Variants in BMPER observed in about 807,000 individuals in gnomAD.
BMPER encodes the protein BMP binding endothelial regulator, also known as BMP-binding endothelial regulator protein.
BMPER carries 45 observed loss-of-function variants against 87.3 expected under a neutral mutation model. The ratio of observed to expected loss-of-function variants is 0.52; its 90% CI spans 0.41 to 0.66. BMPER has a LOEUF of 0.66. Among genes scored for constraint, BMPER ranks in the 30% least tolerant of loss-of-function variants. The pLI, the probability that BMPER is intolerant of heterozygous loss-of-function variation, is 0.00. For missense variants in BMPER, 784 were observed against 867.5 expected (o/e 0.90, Z 1.21); for synonymous variants, 326 against 316.2 (o/e 1.03, Z -0.33).
At chr7:33,979,377 C>A (rs2127915428) in intron 6 of BMPER, among the ~76,000 whole-genome samples, 1 of 151,644 alleles carries the variant, frequency 6.6e-6, no homozygotes, top group East Asian at 2.0e-4. Context: ...CTGATTCCCC[C>A]AAGGAGAAGC....
At chr7:33,969,681 G>A (rs1280178185) in intron 4 of BMPER, among the ~76,000 whole-genome samples, 9 of 152,254 alleles carry the variant, frequency 5.9e-5, no homozygotes, top group Non-Finnish European at 1.2e-4. Flanking sequence ...TTATAGGCGT[G>A]AGCCACTGCG....
intron 11 of BMPER, among the ~76,000 whole-genome samples, chr7:34,069,474 C>G (rs1199644468): frequency 1.3e-5 from 2 of 152,150 alleles, no homozygotes; most frequent in Admixed American, 1.3e-4. Flanking sequence ...TAAATGCTCT[C>G]CATTTTGCCA....
chr7:34,024,951 A>G (rs1361319974), intron 6 of BMPER, among the ~76,000 whole-genome samples: 1 of 151,992 alleles, frequency 6.6e-6, no homozygotes, highest in Non-Finnish European at 1.5e-5. Flanking sequence ...TTGGGCTTAG[A>G]GTTTTGCTCT....
intron 6 of BMPER, among the ~76,000 whole-genome samples, chr7:33,977,565 G>T (rs1255617626): frequency 6.6e-6 from 1 of 152,160 alleles, no homozygotes; most frequent in African/African-American, 2.4e-5. Flanking sequence ...CCAGAGGGGT[G>T]TTCATAATGT....
intron 3 of BMPER, among the ~76,000 whole-genome samples, chr7:33,946,934 A>C (rs1485680551): frequency 6.6e-6 from 1 of 152,252 alleles, no homozygotes; most frequent in African/African-American, 2.4e-5. Context: ...TTTATAGAAT[A>C]GTGCTGCTTA....
At chr7:34,059,685 C>T (rs1334947887) in intron 10 of BMPER, among the ~76,000 whole-genome samples, 1 of 150,922 alleles carries the variant, frequency 6.6e-6, no homozygotes, top group Non-Finnish European at 1.5e-5. Context: ...GCTCTATCTA[C>T]CATGGAAATC....
intron 5 of BMPER, among the ~76,000 whole-genome samples, chr7:33,972,138 C>T (rs889904712): frequency 2.0e-5 from 3 of 152,108 alleles, no homozygotes; most frequent in Non-Finnish European, 4.4e-5. Context: ...CTCCTGACCT[C>T]GTGGTCCACC....
chr7:34,104,072 A>G (rs1197770940), intron 13 of BMPER, among the ~76,000 whole-genome samples: 1 of 152,174 alleles, frequency 6.6e-6, no homozygotes, highest in East Asian at 1.9e-4. Context: ...GGTGCTTTCC[A>G]CTGGACATGC....
At chr7:34,151,523 A>AGTGTGAGC (rs1289202386) in intron 14 of BMPER, among the ~76,000 whole-genome samples, 2 of 152,226 alleles carry the variant, frequency 1.3e-5, no homozygotes, top group African/African-American at 2.4e-5. Flanking sequence ...CAGAAAGCTG[A>AGTGTGAGC]GTGTGAGCCA....
At chr7:34,110,228 A>G (rs940682352) in intron 13 of BMPER, among the ~76,000 whole-genome samples, 1 of 152,196 alleles carries the variant, frequency 6.6e-6, no homozygotes, top group Admixed American at 6.5e-5. Flanking sequence ...CTTTATAAGC[A>G]CAAAGGACAT....
At chr7:33,954,520 C>A (rs986726699) in intron 3 of BMPER, among the ~76,000 whole-genome samples, 1 of 152,206 alleles carries the variant, frequency 6.6e-6, no homozygotes, top group Non-Finnish European at 1.5e-5. Context: ...ATTTCAAAGT[C>A]AGGGCTTTTT....
At chr7:33,981,392 C>T (rs1322436792) in intron 6 of BMPER, among the ~76,000 whole-genome samples, 1 of 152,190 alleles carries the variant, frequency 6.6e-6, no homozygotes, top group Non-Finnish European at 1.5e-5. Flanking sequence ...TCTCCGCCCA[C>T]TCATCCAGCA....
At chr7:33,934,360 C>T (rs1208349759) in intron 2 of BMPER, among the ~76,000 whole-genome samples, 1 of 152,028 alleles carries the variant, frequency 6.6e-6, no homozygotes, top group Non-Finnish European at 1.5e-5. Flanking sequence ...AAGACTACTC[C>T]ACATTCACAC....
intron 13 of BMPER, among the ~76,000 whole-genome samples, chr7:34,097,478 G>A (rs1379164250): frequency 1.3e-5 from 2 of 152,148 alleles, no homozygotes; most frequent in Non-Finnish European, 2.9e-5. Context: ...TAAAGCTCAG[G>A]ACTCTTCATT....
intron 6 of BMPER, among the ~76,000 whole-genome samples, chr7:34,006,138 G>A (rs944354557): frequency 2.0e-5 from 3 of 151,712 alleles, no homozygotes; most frequent in African/African-American, 7.3e-5. Flanking sequence ...TCCACCCTTT[G>A]TAAAAAAAAT....
chr7:34,124,996 TAA>T (rs945492865), intron 13 of BMPER, among the ~76,000 whole-genome samples: 1 of 145,330 alleles, frequency 6.9e-6, no homozygotes, highest in Admixed American at 6.9e-5. Flanking sequence ...CTTGCATTCC[TAA>T]AAAAAAAAAC....
At chr7:33,940,817 G>T (rs2128610324) in intron 3 of BMPER, among the ~76,000 whole-genome samples, 2 of 142,834 alleles carry the variant, frequency 1.4e-5, no homozygotes, top group African/African-American at 2.6e-5. Flanking sequence ...CAGGGTCAAA[G>T]AATTTATATA....
chr7:34,038,076 C>T (rs907580218), intron 6 of BMPER, among the ~76,000 whole-genome samples: 4 of 152,044 alleles, frequency 2.6e-5, no homozygotes, highest in Admixed American at 2.6e-4. Context: ...TCCCCTGGCC[C>T]CAAGATGTCC....
At chr7:33,947,411 G>T (rs943693142) in intron 3 of BMPER, among the ~76,000 whole-genome samples, 18 of 152,102 alleles carry the variant, frequency 1.2e-4, no homozygotes, top group Admixed American at 9.8e-4. Flanking sequence ...TGAAAAAAAA[G>T]TCTTTCATTT....
Sources: gnomAD v4.1 joint callset for allele counts (sites outside exome capture counted in the v4.1 genomes callset) on GRCh38, gnomAD v4.1.1 for gene constraint, MANE v1.5 for transcripts, NCBI Gene and HGNC (gene_info 2026-07-23, HGNC 2026-07-21) for gene names.